The following RARB variants were observed in gnomAD, a reference collection of about 807,000 sequenced individuals.
RARB encodes the protein HBV-activated protein.
A neutral mutation model predicts 51.9 loss-of-function variants in RARB; 17 were observed. The ratio of observed to expected loss-of-function variants is 0.33; its 90% CI spans 0.22 to 0.49. The LOEUF (loss-of-function observed/expected upper bound fraction) is 0.49. Ranked by LOEUF, RARB falls within the 20% of genes least tolerant of loss-of-function variation. The pLI, the probability that RARB is intolerant of heterozygous loss-of-function variation, is 0.99. For missense variants in RARB, 369 were observed against 550.8 expected, an observed-to-expected ratio of 0.67 and a Z score of 3.30; for synonymous variants, 215 against 195.4, an observed-to-expected ratio of 1.10 and a Z score of -0.84.
At chr3:25,249,996 T>A (rs1327942024) in intron 5 of RARB, among the ~76,000 whole-genome samples, 2 of 87,706 alleles carry the variant, frequency 2.3e-5, no homozygotes, top group African/African-American at 7.3e-5. Flanking sequence ...GGTGGGAAGA[T>A]CTTCAGGCCC....
At chr3:24,981,813 C>T (rs560063162) in intron 2 of RARB, among the ~76,000 whole-genome samples, 35 of 152,184 alleles carry the variant, frequency 2.3e-4, no homozygotes, top group Admixed American at 1.4e-3. Flanking sequence ...CCAGTCCCCA[C>T]GAGACAAACC....
chr3:25,280,267 G>T (rs1269273677), intron 5 of RARB, among the ~76,000 whole-genome samples: 3 of 152,172 alleles, frequency 2.0e-5, no homozygotes, highest in African/African-American at 7.2e-5. Flanking sequence ...CTCTGACCCT[G>T]TGTCTCCAGA....
At chr3:25,513,342 A>C (rs1005897515) in intron 3 of RARB, among the ~76,000 whole-genome samples, 15 of 152,018 alleles carry the variant, frequency 9.9e-5, no homozygotes, top group African/African-American at 3.4e-4. Flanking sequence ...AAAGGAAAGA[A>C]ATGAAGAAAA....
chr3:25,309,283 C>T (rs532961120), intron 5 of RARB, among the ~76,000 whole-genome samples: 5 of 150,300 alleles, frequency 3.3e-5, no homozygotes, highest in East Asian at 3.9e-4. Flanking sequence ...TACAGGCACC[C>T]GCCATCATGC....
intron 3 of RARB, among the ~76,000 whole-genome samples, chr3:25,119,642 G>A (rs1371543765): frequency 1.3e-5 from 2 of 149,206 alleles, no homozygotes; most frequent in African/African-American, 2.5e-5. Context: ...AAGTGAAAAA[G>A]TGATAAAACA....
intron 3 of RARB, among the ~76,000 whole-genome samples, chr3:25,072,680 T>C (rs1164785809): frequency 1.3e-5 from 2 of 152,108 alleles, no homozygotes; most frequent in African/African-American, 2.4e-5. Flanking sequence ...ATGGCTTCTA[T>C]CTACCTACAA....
intron 2 of RARB, among the ~76,000 whole-genome samples, chr3:24,949,809 A>G (rs1409262034): frequency 3.9e-5 from 6 of 152,178 alleles, no homozygotes; most frequent in Non-Finnish European, 8.8e-5. Flanking sequence ...TGCTTTCTGA[A>G]TGGTCACAAG....
At chr3:24,867,574 A>C (rs1260723075) in intron 2 of RARB, among the ~76,000 whole-genome samples, 1 of 152,106 alleles carries the variant, frequency 6.6e-6, no homozygotes, top group Non-Finnish European at 1.5e-5. Flanking sequence ...CTTAAAGCCC[A>C]GTGGAAATTA....
intron 5 of RARB, among the ~76,000 whole-genome samples, chr3:25,269,627 A>G (rs1703208020): frequency 6.6e-6 from 1 of 152,218 alleles, no homozygotes; most frequent in South Asian, 2.1e-4. Flanking sequence ...GTCTTCAATC[A>G]TGTTAGATAA....
At chr3:25,226,019 T>G (rs1702048731) in intron 5 of RARB, among the ~76,000 whole-genome samples, 1 of 152,178 alleles carries the variant, frequency 6.6e-6, no homozygotes, top group Non-Finnish European at 1.5e-5. Flanking sequence ...GTTTGAATAT[T>G]CATAGATAAT....
chr3:25,176,561 A>C (rs1221385563), intron 5 of RARB, among the ~76,000 whole-genome samples: 3 of 150,868 alleles, frequency 2.0e-5, no homozygotes, highest in African/African-American at 4.9e-5. Context: ...ACACCCAGCT[A>C]ATTTTTGTAT....
At chr3:25,165,299 T>C (rs1312990797) in intron 4 of RARB, among the ~76,000 whole-genome samples, 1 of 152,164 alleles carries the variant, frequency 6.6e-6, no homozygotes, top group Non-Finnish European at 1.5e-5. Flanking sequence ...GTTTCTGTAG[T>C]CTCATGGCTT....
At chr3:25,000,290 C>A (rs889700740) in intron 2 of RARB, among the ~76,000 whole-genome samples, 3 of 152,066 alleles carry the variant, frequency 2.0e-5, no homozygotes, top group African/African-American at 7.2e-5. Flanking sequence ...CAAAGTAATA[C>A]AAATGTTTCC....
At chr3:25,192,597 C>T (rs1387782642) in intron 5 of RARB, among the ~76,000 whole-genome samples, 2 of 152,016 alleles carry the variant, frequency 1.3e-5, no homozygotes, top group African/African-American at 4.8e-5. Flanking sequence ...GAACTGTTCC[C>T]TAGCAGGCAT....
rs74603649 is a variant in RARB at position 25,325,291 on chromosome 3, C to T, written c.179-135902C>T. Reference sequence around the variant, plus strand: ...ATAATTTGCGTGTAATGAGCAGTGACGACAACCAGAGGTCATTTTCATGGC... The same window carrying T: ...ATAATTTGCGTGTAATGAGCAGTGATGACAACCAGAGGTCATTTTCATGGC... On this transcript the variant is annotated intron_variant, in intron 5 of 11. Coordinates refer to the RARB transcript ENST00000383772. Among the ~76,000 whole-genome samples the T allele has an allele frequency of 2.2e-4, 33 of 152,174 alleles. No homozygotes were observed. The East Asian group carries it at 4.8e-3, about 22-fold the overall frequency.
chr3:25,514,936 T>A (rs1698084657), intron 3 of RARB, among the ~76,000 whole-genome samples: 1 of 152,236 alleles, frequency 6.6e-6, no homozygotes, highest in African/African-American at 2.4e-5. Flanking sequence ...TTGGATATTG[T>A]GTCCTTGGAC....
chr3:25,506,576 A>T (rs1373238137), intron 3 of RARB, among the ~76,000 whole-genome samples: 1 of 152,112 alleles, frequency 6.6e-6, no homozygotes, highest in East Asian at 1.9e-4. Context: ...TTTTCATGCC[A>T]CTTCACTCCA....
At chr3:25,166,327 G>A (rs1700560600) in intron 4 of RARB, among the ~76,000 whole-genome samples, 1 of 152,146 alleles carries the variant, frequency 6.6e-6, no homozygotes, top group Non-Finnish European at 1.5e-5. Context: ...AAGAACAGCA[G>A]CAAAAGCAAC....
chr3:24,852,508 G>C (rs1380499881), intron 1 of RARB, among the ~76,000 whole-genome samples: 1 of 151,940 alleles, frequency 6.6e-6, no homozygotes, highest in Non-Finnish European at 1.5e-5. Context: ...CTATTTCTAG[G>C]AATCTACCCA....
Sources: gnomAD v4.1 joint callset for allele counts (sites outside exome capture counted in the v4.1 genomes callset) on GRCh38, gnomAD v4.1.1 for gene constraint, MANE v1.5 for transcripts, NCBI Gene and HGNC (gene_info 2026-07-23, HGNC 2026-07-21) for gene names.